The following PRKCA variants were observed in gnomAD, a reference collection of about 807,000 sequenced individuals.
The protein encoded by PRKCA is protein kinase C alpha type.
Under a neutral mutation model 87.0 loss-of-function variants are expected in PRKCA, and 27 were observed. That is an observed-to-expected ratio of 0.31 (90% CI 0.23 to 0.43). The LOEUF is 0.43. Among genes scored for constraint, PRKCA ranks in the 20% least tolerant of loss-of-function variants. PRKCA has a pLI of 1.00. For synonymous variants in PRKCA, 329 were observed against 311.1 expected (o/e 1.06, Z -0.61); for missense variants, 518 against 852.3 (o/e 0.61, Z 4.88).
chr17:66,424,566 C>CA (rs201177050), intron 2 of PRKCA, among the ~76,000 whole-genome samples: 12 of 105,858 alleles, frequency 1.1e-4, no homozygotes, highest in South Asian at 8.3e-4. Context: ...GACCCTGTCT[C>CA]AAACACACAC....
intron 2 of PRKCA, among the ~76,000 whole-genome samples, chr17:66,349,354 C>T (rs1907592965): frequency 6.6e-6 from 1 of 152,138 alleles, no homozygotes; most frequent in Non-Finnish European, 1.5e-5. Context: ...TGCTGCCTGC[C>T]TACCCTGCTA....
chr17:66,408,504 T>TA (rs1911551825), intron 2 of PRKCA, among the ~76,000 whole-genome samples: 1 of 152,212 alleles, frequency 6.6e-6, no homozygotes, highest in African/African-American at 2.4e-5. Flanking sequence ...GCTTGGGCAT[T>TA]AAAGCACCGT....
intron 3 of PRKCA, among the ~76,000 whole-genome samples, chr17:66,594,262 G>A (rs958560439): frequency 2.6e-5 from 4 of 152,100 alleles, no homozygotes; most frequent in South Asian, 4.1e-4. Flanking sequence ...AAATCTGATC[G>A]CGTTGCCCAG....
chr17:66,655,586 G>A (rs1033718412), intron 5 of PRKCA, among the ~76,000 whole-genome samples: 2 of 152,174 alleles, frequency 1.3e-5, no homozygotes, highest in Non-Finnish European at 2.9e-5. Flanking sequence ...TCACCTGTGT[G>A]TTTATTTACA....
intron 3 of PRKCA, among the ~76,000 whole-genome samples, chr17:66,606,302 C>T (rs548869202): frequency 1.4e-3 from 214 of 152,212 alleles, no homozygotes; most frequent in Non-Finnish European, 2.6e-3. Flanking sequence ...GCAGGAGAAT[C>T]GCTTGAACCC....
At chr17:66,712,022 C>T (rs1051857137) in intron 8 of PRKCA, among the ~76,000 whole-genome samples, 2 of 152,172 alleles carry the variant, frequency 1.3e-5, no homozygotes, top group Non-Finnish European at 2.9e-5. Context: ...CCCTCCACCC[C>T]GCCCTTGTCT....
chr17:66,541,184 G>A (rs1205751660), intron 3 of PRKCA, among the ~76,000 whole-genome samples: 2 of 152,120 alleles, frequency 1.3e-5, no homozygotes, highest in Non-Finnish European at 2.9e-5. Flanking sequence ...ACCATGAGGG[G>A]TTTTGTTTTA....
At chr17:66,393,485 T>C (rs796710959) in intron 2 of PRKCA, among the ~76,000 whole-genome samples, 1 of 152,248 alleles carries the variant, frequency 6.6e-6, no homozygotes, top group African/African-American at 2.4e-5. Flanking sequence ...ACTCCCCAAA[T>C]GTGTGCTGGA....
chr17:66,650,475 T>A (rs75539135), intron 5 of PRKCA, among the ~76,000 whole-genome samples: 8,858 of 152,208 alleles, frequency 0.058, 315 homozygotes, highest in Admixed American at 0.081. Context: ...CAATTTTCAA[T>A]TTAATCTTGT....
intron 3 of PRKCA, among the ~76,000 whole-genome samples, chr17:66,508,435 G>T (rs1270670348): frequency 6.6e-6 from 1 of 152,180 alleles, no homozygotes. Context: ...CCATCTTTGT[G>T]TGGAAAGAGC....
intron 2 of PRKCA, among the ~76,000 whole-genome samples, chr17:66,421,155 C>G (rs774444192): frequency 2.6e-5 from 4 of 152,162 alleles, no homozygotes; most frequent in Non-Finnish European, 4.4e-5. Flanking sequence ...GATGGCTACT[C>G]CAGTTGGGCA....
At chr17:66,572,827 A>G (rs1969119987) in intron 3 of PRKCA, among the ~76,000 whole-genome samples, 1 of 152,150 alleles carries the variant, frequency 6.6e-6, no homozygotes, top group South Asian at 2.1e-4. Context: ...AAAATGTTAT[A>G]TATTTTTAAA....
intron 8 of PRKCA, among the ~76,000 whole-genome samples, chr17:66,731,186 A>G (rs1177712097): frequency 6.6e-6 from 1 of 152,050 alleles, no homozygotes; most frequent in Non-Finnish European, 1.5e-5. Context: ...CCCCATCTCT[A>G]CTAAACATAC....
At chr17:66,333,101 C>T (rs746989472) in intron 2 of PRKCA, among the ~76,000 whole-genome samples, 1 of 152,328 alleles carries the variant, frequency 6.6e-6, no homozygotes, top group Non-Finnish European at 1.5e-5. Flanking sequence ...TTTTCCTTTA[C>T]AACCATTTGA....
chr17:66,769,083 G>A (rs1043886622), intron 13 of PRKCA, among the ~76,000 whole-genome samples: 7 of 152,194 alleles, frequency 4.6e-5, no homozygotes, highest in East Asian at 1.9e-4. Flanking sequence ...CTGACGGGCT[G>A]TGGAAGGGAC....
chr17:66,631,442 A>C (rs868015673), intron 3 of PRKCA, among the ~76,000 whole-genome samples: 3 of 152,092 alleles, frequency 2.0e-5, no homozygotes, highest in Admixed American at 1.3e-4. Context: ...GGGTCTCACT[A>C]TGTTGCCCAG....
intron 3 of PRKCA, among the ~76,000 whole-genome samples, chr17:66,547,324 T>G (rs1968173843): frequency 6.6e-6 from 1 of 152,198 alleles, no homozygotes; most frequent in East Asian, 1.9e-4. Flanking sequence ...TGCCCTGCTA[T>G]GGATGACACA....
Position 66,500,960 on chromosome 17 carries a change from A to ATT in PRKCA, c.288+4686_288+4687dup, listed in dbSNP as rs146409659. 6.0e-3 allele frequency among the ~76,000 whole-genome samples: 904 copies of ATT among 151,126 alleles called. 5 individuals are homozygous for ATT. Among genetic ancestry groups the ATT allele is most frequent in the Middle Eastern group, 0.041 (12 of 292 alleles). On this transcript the variant is annotated intron_variant, in intron 3 of 16. Coordinates refer to ENST00000413366, the MANE Select transcript of PRKCA (RefSeq NM_002737.3). ...AAAAATTTAAAAATTTTAAATTAGG[A>ATT]TTTTTTTTTTCGTACCATGGAGAAT...
chr17:66,374,732 T>TC (rs1300686115), intron 2 of PRKCA, among the ~76,000 whole-genome samples: 2 of 147,110 alleles, frequency 1.4e-5, no homozygotes, highest in Non-Finnish European at 3.0e-5. Context: ...TTTTTTTTTT[T>TC]TTTTTTTCTT....
Sources: gnomAD v4.1 joint callset for allele counts (sites outside exome capture counted in the v4.1 genomes callset) on GRCh38, gnomAD v4.1.1 for gene constraint, MANE v1.5 for transcripts, NCBI Gene and HGNC (gene_info 2026-07-23, HGNC 2026-07-21) for gene names.